APLF: variants seen among roughly 807,000 people sequenced by gnomAD.
APLF encodes the protein aprataxin and PNKP like factor.
Under a neutral mutation model 55.6 loss-of-function variants are expected in APLF, and 61 were observed. That is an observed-to-expected ratio of 1.10 (90% CI 0.89 to 1.36). The LOEUF is 1.36. Among genes scored for constraint, APLF ranks in the 40% most tolerant of loss-of-function variants. The pLI, the probability that APLF is intolerant of heterozygous loss-of-function variation, is 0.00. For missense variants in APLF, 611 were observed against 602.5 expected, an observed-to-expected ratio of 1.01 and a Z score of -0.15; for synonymous variants, 207 against 214.8, an observed-to-expected ratio of 0.96 and a Z score of 0.32.
chr2:68,556,314 G>A lies in APLF; in HGVS notation c.1286+11002G>A, dbSNP rs187766216. Reference sequence around the variant, plus strand: ...AGTCACCACTAAAGAACCTACTCATGTAACCAAATACCACCTGTTCCCCAA... The same window carrying A: ...AGTCACCACTAAAGAACCTACTCATATAACCAAATACCACCTGTTCCCCAA... On this transcript the variant is annotated intron_variant, in intron 8 of 9. Transcript: ENST00000303795. Among the ~76,000 whole-genome samples, 309 of 152,206 alleles carry A rather than the reference G, an allele frequency of 2.0e-3. 1 individual carries two copies. The highest frequency in any genetic ancestry group is 3.8e-3 in the Non-Finnish European group (255 of 67,996).
chr2:68,536,533 A>G (rs1045367789), intron 6 of APLF, among the ~76,000 whole-genome samples: 1 of 152,114 alleles, frequency 6.6e-6, no homozygotes, highest in Non-Finnish European at 1.5e-5. Context: ...GAACTGGGGT[A>G]TATCTGAGCA....
chr2:68,563,567 C>G (rs377238944), intron 8 of APLF, among the ~76,000 whole-genome samples: 36 of 152,130 alleles, frequency 2.4e-4, no homozygotes, highest in East Asian at 1.5e-3. Context: ...AAGTTACTCT[C>G]CTTTTTAATC....
At chr2:68,498,942 A>G (rs1163600792) in intron 2 of APLF, among the ~76,000 whole-genome samples, 2 of 152,076 alleles carry the variant, frequency 1.3e-5, no homozygotes, top group African/African-American at 4.8e-5. Context: ...TTTTCTTCTC[A>G]TGAAATTAAA....
intron 3 of APLF, among the ~76,000 whole-genome samples, chr2:68,503,239 C>T (rs1363290681): frequency 6.6e-6 from 1 of 152,070 alleles, no homozygotes; most frequent in Non-Finnish European, 1.5e-5. Flanking sequence ...ACTACCTTTT[C>T]CTCATTTTTT....
chr2:68,527,837 C>T (rs1239617782), intron 6 of APLF, among the ~76,000 whole-genome samples: 6 of 149,746 alleles, frequency 4.0e-5, no homozygotes, highest in South Asian at 2.1e-4. Flanking sequence ...CAGGCAGAGG[C>T]GCTCCTCACT....
Position 68,567,375 on chromosome 2 carries a change from A to C in APLF, c.1321A>C (p.Asn441His). 2 of 1,603,092 alleles carry C rather than the reference A, an allele frequency of 1.2e-6. No homozygotes were observed. The highest frequency in any genetic ancestry group is 1.7e-6 in the Non-Finnish European group (2 of 1,175,144). ...CCAGCACAAGATAGAATATAGACAT[A>C]ATACGCTTCCAGGTAAGTAAGTTTA... Reference protein sequence around the residue: ...NPQHKIEYRHNTLPVRNVLDE... With the variant: ...NPQHKIEYRHHTLPVRNVLDE... The change falls in exon 9 of 10, where the codon AAT (asparagine) becomes CAT (histidine). Residue 441 changes from asparagine (N) to histidine (H), a missense_variant. Physicochemically the swap from Asn to His is moderately conservative, Grantham distance 68. Transcript: ENST00000303795.
intron 1 of APLF, among the ~76,000 whole-genome samples, chr2:68,484,439 A>G (rs1413168557): frequency 2.0e-5 from 3 of 152,150 alleles, no homozygotes; most frequent in Non-Finnish European, 4.4e-5. Flanking sequence ...CTGTAAGCCC[A>G]GCACTTTGGG....
chr2:68,544,904 A>T (rs1332375582), intron 7 of APLF, among the ~76,000 whole-genome samples: 2 of 152,146 alleles, frequency 1.3e-5, no homozygotes, highest in Non-Finnish European at 2.9e-5. Flanking sequence ...CATATGTGTC[A>T]TATATATAGT....
At chr2:68,549,302 A>G (rs1281785004) in intron 8 of APLF, among the ~76,000 whole-genome samples, 1 of 152,054 alleles carries the variant, frequency 6.6e-6, no homozygotes, top group Admixed American at 6.6e-5. Flanking sequence ...ATTTCCTAAT[A>G]ATTTATAGTT....
chr2:68,573,370 G>A (rs144724166), intron 9 of APLF, among the ~76,000 whole-genome samples: 257 of 152,214 alleles, frequency 1.7e-3, no homozygotes, highest in African/African-American at 5.9e-3. Flanking sequence ...TGTTTGATGT[G>A]TAGTTTAAAA....
rs1364096591 is a variant in APLF at position 68,560,716 on chromosome 2, C to T, written c.1287-6625C>T. On this transcript the variant is annotated intron_variant, in intron 8 of 9. Transcript: ENST00000303795. ...AAAAAAACAAAAAGGACTTTGAGAC[C>T]GGCTGAGTTACAGAAAATGCCATTT... is the stretch of plus-strand genomic sequence containing the variant. 2.6e-5 allele frequency among the ~76,000 whole-genome samples: 4 copies of T among 151,868 alleles called. No individual in the cohort carries two copies. The East Asian group carries it at 7.7e-4, about 29-fold the overall frequency.
chr2:68,474,584 C>T (rs1675716269), intron 1 of APLF, among the ~76,000 whole-genome samples: 1 of 152,212 alleles, frequency 6.6e-6, no homozygotes, highest in African/African-American at 2.4e-5. Context: ...TTACTACTTA[C>T]CATGAATATG....
intron 8 of APLF, among the ~76,000 whole-genome samples, chr2:68,558,486 T>C (rs35293850): frequency 0.084 from 12,761 of 152,244 alleles, 597 homozygotes; most frequent in Middle Eastern, 0.11. Context: ...AAAATACATA[T>C]TGAATTTCAA....
At chr2:68,470,063 G>A (rs573148797) in intron 1 of APLF, among the ~76,000 whole-genome samples, 1 of 152,140 alleles carries the variant, frequency 6.6e-6, no homozygotes, top group Non-Finnish European at 1.5e-5. Context: ...AATCTTTCTT[G>A]TTCCCTTTGC....
At position 68,517,282 on chromosome 2, in the gene APLF, ATATAT is replaced by A. The variant is rs370177708; in HGVS notation, c.622+3605_622+3609del. On this transcript the variant is annotated intron_variant, in intron 5 of 9. Transcript: ENST00000303795. ...TATTAATATATGTCATTACTATATA[ATATAT>A]TAATATATGTCATTACTATATAATA... is the stretch of plus-strand genomic sequence containing the variant. Among the ~76,000 whole-genome samples the A allele has an allele frequency of 6.7e-3, 718 of 106,834 alleles. 30 individuals carry two copies. Among genetic ancestry groups the A allele is most frequent in the Admixed American group, 0.051 (517 of 10,088 alleles). The allele number at this position is 106,834 out of a possible 152,430, so 70.1% of individuals were successfully genotyped here. A position where few individuals can be genotyped will look rare whatever the true frequency, so the allele number is the denominator to read the frequency against.
chr2:68,505,064 A>G (rs1441159021), intron 3 of APLF, among the ~76,000 whole-genome samples: 1 of 152,082 alleles, frequency 6.6e-6, no homozygotes, highest in Non-Finnish European at 1.5e-5. Flanking sequence ...TATATAAATT[A>G]TATCTAAAAA....
At chr2:68,543,149 A>G (rs1275030229) in intron 7 of APLF, among the ~76,000 whole-genome samples, 1 of 152,176 alleles carries the variant, frequency 6.6e-6, no homozygotes, top group East Asian at 1.9e-4. Context: ...GGGGAAAAAC[A>G]GAAATCAGAA....
intron 1 of APLF, among the ~76,000 whole-genome samples, chr2:68,476,813 T>C (rs1675791286): frequency 6.6e-6 from 1 of 152,136 alleles, no homozygotes; most frequent in African/African-American, 2.4e-5. Flanking sequence ...GAATACATCC[T>C]GGAAATAGAA....
intron 8 of APLF, among the ~76,000 whole-genome samples, chr2:68,548,146 T>G (rs1670756132): frequency 6.6e-6 from 1 of 151,798 alleles, no homozygotes; most frequent in African/African-American, 2.4e-5. Context: ...ATAATATAGC[T>G]TTAAAAATAA....
Sources: allele counts gnomAD v4.1 joint callset (sites outside exome capture counted in the v4.1 genomes callset), GRCh38; gene constraint gnomAD v4.1.1; transcripts MANE v1.5; gene names NCBI Gene and HGNC (gene_info 2026-07-23, HGNC 2026-07-21).